Variants in TMEM63C observed in about 807,000 individuals in gnomAD.
TMEM63C encodes osmosensitive cation channel TMEM63C.
TMEM63C carries 32 observed loss-of-function variants against 99.2 expected under a neutral mutation model. That is an observed-to-expected ratio of 0.32 (90% CI 0.24 to 0.43). TMEM63C has a LOEUF of 0.43. Ranked by LOEUF, TMEM63C falls within the 20% of genes least tolerant of loss-of-function variation. The pLI is 1.00. For synonymous variants in TMEM63C, 376 were observed against 397.9 expected (o/e 0.94, Z 0.66); for missense variants, 826 against 1,053.0 (o/e 0.78, Z 2.98).
chr14:77,249,968 G>A (rs2140131799), intron 21 of TMEM63C, among the ~76,000 whole-genome samples: 1 of 152,294 alleles, frequency 6.6e-6, no homozygotes, highest in Admixed American at 6.5e-5. Context: ...CCCAGTAGCT[G>A]GGACTACAGG....
rs1397907964 is a variant in TMEM63C at position 77,258,574 on chromosome 14, C to A, written c.*1848C>A. On this transcript the variant is annotated 3_prime_UTR_variant, in exon 24 of 24. Coordinates refer to ENST00000298351, the MANE Select transcript of TMEM63C (RefSeq NM_020431.4). ...CCCCTACACACCCAGGTCCCACAGG[C>A]CCCCTCCCCACTGGAATTTCACCAA... is the stretch of plus-strand genomic sequence containing the variant. The A allele has an allele frequency of 3.9e-5, 6 of 152,392 alleles. No individual in the cohort carries two copies. Among genetic ancestry groups the A allele is most frequent in the Non-Finnish European group, 2.9e-5 (2 of 68,150 alleles). The allele number at this position is 152,392 out of a possible 1,614,324, so 9.4% of individuals were successfully genotyped here. A position where few individuals can be genotyped will look rare whatever the true frequency, so the allele number is the denominator to read the frequency against.
chr14:77,198,440 G>A (rs913776296), intron 1 of TMEM63C, among the ~76,000 whole-genome samples: 11 of 152,222 alleles, frequency 7.2e-5, no homozygotes, highest in Admixed American at 6.5e-4. Context: ...ATGAACTTCT[G>A]TATTTTCCCG....
At chr14:77,234,773 C>T (rs908976567) in intron 8 of TMEM63C, among the ~76,000 whole-genome samples, 4 of 152,174 alleles carry the variant, frequency 2.6e-5, no homozygotes, top group Admixed American at 6.5e-5. Flanking sequence ...GGATGGCAAA[C>T]ATGGTCCAAG....
chr14:77,190,389 A>C (rs1043663492), intron 1 of TMEM63C, among the ~76,000 whole-genome samples: 5 of 152,192 alleles, frequency 3.3e-5, no homozygotes, highest in African/African-American at 1.2e-4. Flanking sequence ...AACTACACCA[A>C]ATCACAGAGA....
intron 6 of TMEM63C, among the ~76,000 whole-genome samples, chr14:77,226,118 A>G (rs182535620): frequency 6.6e-6 from 1 of 152,280 alleles, no homozygotes; most frequent in East Asian, 1.9e-4. Context: ...ACACTCATAC[A>G]TACACGCACA....
intron 8 of TMEM63C, among the ~76,000 whole-genome samples, chr14:77,234,036 A>C (rs1888992510): frequency 6.6e-6 from 1 of 152,008 alleles, no homozygotes; most frequent in African/African-American, 2.4e-5. Flanking sequence ...CATGCTCTCT[A>C]AGCTCCTTCC....
At chr14:77,231,863 T>C in intron 7 of TMEM63C, 133 bp downstream of exon 7, 1 of 1,055,316 alleles carries the variant, frequency 9.5e-7, no homozygotes, top group African/African-American at 1.6e-5. Flanking sequence ...TTGTGTGAAC[T>C]TGAACAAACC....
At chr14:77,187,352 G>A (rs1483740600) in intron 1 of TMEM63C, among the ~76,000 whole-genome samples, 1 of 152,212 alleles carries the variant, frequency 6.6e-6, no homozygotes, top group Non-Finnish European at 1.5e-5. Flanking sequence ...CTCCACTCTG[G>A]GCAGGGCGCC....
intron 9 of TMEM63C, among the ~76,000 whole-genome samples, chr14:77,237,767 G>A (rs979134736): frequency 2.6e-5 from 4 of 152,218 alleles, no homozygotes; most frequent in African/African-American, 7.2e-5. Context: ...GGGGGGCCAC[G>A]GGCAGGCACC....
rs1052943834 is a variant in TMEM63C, at chr14:77,238,880, G to A, written c.725+113G>A. On this transcript the variant is annotated intron_variant, in intron 10 of 23. Transcript: ENST00000298351. ...GATGGTGGGACTGGGACACCCCGGG[G>A]TGGCTCTCCCTGGACTCAGCTCAGG... 43 of 824,372 alleles carry A rather than the reference G, an allele frequency of 5.2e-5. No individual in the cohort carries two copies. In the Admixed American group the frequency reaches 7.6e-4, roughly 15 times the overall value. The allele number at this position is 824,372 out of a possible 1,614,324, so 51.1% of individuals were successfully genotyped here.
chr14:77,194,517 C>CTT (rs1888174350), intron 1 of TMEM63C, among the ~76,000 whole-genome samples: 1 of 40,402 alleles, frequency 2.5e-5, no homozygotes, highest in East Asian at 6.6e-4. Flanking sequence ...TTCTTTCTTT[C>CTT]TTTCTTTCTT....
intron 19 of TMEM63C, 99 bp downstream of exon 19, chr14:77,248,608 G>A: frequency 6.6e-7 from 1 of 1,516,886 alleles, no homozygotes; most frequent in Non-Finnish European, 9.0e-7. Flanking sequence ...GAGGTGGGAG[G>A]GACGGTGTGG....
At chr14:77,224,950 G>A (rs1888791192) in intron 5 of TMEM63C, among the ~76,000 whole-genome samples, 1 of 152,068 alleles carries the variant, frequency 6.6e-6, no homozygotes, top group African/African-American at 2.4e-5. Context: ...TGACAAGTGT[G>A]AGCCACCATG....
chr14:77,213,955 C>G (rs1888535715), intron 2 of TMEM63C, among the ~76,000 whole-genome samples: 1 of 151,954 alleles, frequency 6.6e-6, no homozygotes, highest in Non-Finnish European at 1.5e-5. Flanking sequence ...TTTTGTGCAC[C>G]CCTTCTGTTT....
rs1445953384 is a variant in TMEM63C at position 77,218,818 on chromosome 14, C to A, written c.5C>A (p.Ser2Tyr). M[S>Y]ASPDDLSTGG... ...TTTCCCAGGGATCCTCCCAGGATGT[C>A]TGCCTCACCAGACGACCTGAGTACA... Residue 2 changes from serine (S) to tyrosine (Y), a missense_variant, in exon 3 of 24, where the codon TCT becomes TAT. By Grantham distance (144) the Ser-to-Tyr change is moderately radical. Transcript: ENST00000298351. 1.2e-6 allele frequency: 2 copies of A among 1,613,306 alleles called. No individual in the cohort carries two copies. The highest frequency in any genetic ancestry group is 1.7e-6 in the Non-Finnish European group (2 of 1,179,638).
chr14:77,244,233 C>T (rs1484696544), intron 15 of TMEM63C, 116 bp from the exon 16 acceptor site: 1 of 790,404 alleles, frequency 1.3e-6, no homozygotes, highest in Non-Finnish European at 2.1e-6. Context: ...GGCCAGGCCC[C>T]TTGCAGCCTC....
chr14:77,248,632 G>T, intron 19 of TMEM63C, 123 bp downstream of exon 19: 1 of 1,490,672 alleles, frequency 6.7e-7, no homozygotes, highest in South Asian at 1.2e-5. Context: ...GGTGTTGGTG[G>T]GGCACCTTGG....
At chr14:77,246,868 C>G (rs1889277189) in intron 18 of TMEM63C, among the ~76,000 whole-genome samples, 194 bp downstream of exon 18, 1 of 152,196 alleles carries the variant, frequency 6.6e-6, no homozygotes, top group Non-Finnish European at 1.5e-5. Flanking sequence ...CCCAGGGACC[C>G]CTTCTCAGAA....
At chr14:77,233,569 G>A (rs1888983124) in intron 8 of TMEM63C, 69 bp downstream of exon 8, 4 of 1,544,200 alleles carry the variant, frequency 2.6e-6, no homozygotes, top group Non-Finnish European at 3.6e-6. Context: ...GGTCTAACAT[G>A]TCAGTTTGCA....
Sources: gnomAD v4.1 joint callset for allele counts (sites outside exome capture counted in the v4.1 genomes callset) on GRCh38, gnomAD v4.1.1 for gene constraint, MANE v1.5 for transcripts, NCBI Gene and HGNC (gene_info 2026-07-23, HGNC 2026-07-21) for gene names.